PARVA: variants seen among roughly 807,000 people sequenced by gnomAD.
PARVA encodes alpha-parvin.
Under a neutral mutation model 52.6 loss-of-function variants are expected in PARVA, and 25 were observed. That is an observed-to-expected ratio of 0.48 (90% CI 0.35 to 0.66). The LOEUF is 0.66. Ranked by LOEUF, PARVA falls within the 30% of genes least tolerant of loss-of-function variation. The pLI is 0.01. For synonymous variants in PARVA, 185 were observed against 179.1 expected (o/e 1.03, Z -0.26); for missense variants, 373 against 450.9 (o/e 0.83, Z 1.56).
At chr11:12,379,363 C>T (rs897976144) in intron 1 of PARVA, among the ~76,000 whole-genome samples, 4 of 152,172 alleles carry the variant, frequency 2.6e-5, no homozygotes, top group Admixed American at 6.5e-5. Flanking sequence ...TGGAGTTGCT[C>T]TGGTTCACAT....
chr11:12,392,928 T>C (rs577226380), intron 1 of PARVA, among the ~76,000 whole-genome samples: 3 of 151,726 alleles, frequency 2.0e-5, no homozygotes, highest in Non-Finnish European at 4.4e-5. Flanking sequence ...TCTTGCAGAA[T>C]GGCTGTGCTC....
chr11:12,377,994 C>T (rs1361937541), intron 1 of PARVA, among the ~76,000 whole-genome samples: 1 of 148,428 alleles, frequency 6.7e-6, no homozygotes, highest in Admixed American at 6.7e-5. Flanking sequence ...ATCGAGGCCA[C>T]CCCGCCCGCT....
chr11:12,474,014 C>A (rs1158643484), intron 3 of PARVA, 31 bp downstream of exon 3: 16 of 1,514,336 alleles, frequency 1.1e-5, no homozygotes, highest in Non-Finnish European at 1.4e-5. Flanking sequence ...GCTTCAGGTG[C>A]CTCACTGACC....
intron 1 of PARVA, among the ~76,000 whole-genome samples, chr11:12,472,934 T>C (rs1014209445): frequency 2.0e-5 from 3 of 152,202 alleles, no homozygotes; most frequent in African/African-American, 7.2e-5. Context: ...TAAGGCTCCA[T>C]GTGGGGGCTG....
Position 12,531,363 on chromosome 11 carries a change from G to A in PARVA, c.*3438G>A, listed in dbSNP as rs1029419827. Among the ~76,000 whole-genome samples the A allele has an allele frequency of 2.0e-5, 3 of 152,126 alleles. No individual in the cohort carries two copies. Among genetic ancestry groups the A allele is most frequent in the African/African-American group, 4.8e-5 (2 of 41,414 alleles). On this transcript the variant is annotated 3_prime_UTR_variant, in exon 13 of 13. Coordinates refer to ENST00000334956, the MANE Select transcript of PARVA (RefSeq NM_018222.5). ...CAGTTTGTTTTGTTGTGGGTTGCTTGGTTAACCCTACAGAGTATACTTGAA... is the reference window on the plus strand; with the variant it reads ...CAGTTTGTTTTGTTGTGGGTTGCTTAGTTAACCCTACAGAGTATACTTGAA...
intron 1 of PARVA, among the ~76,000 whole-genome samples, chr11:12,395,587 C>T (rs902862717): frequency 6.6e-5 from 10 of 152,358 alleles, no homozygotes; most frequent in African/African-American, 2.4e-4. Context: ...ACCCATGACA[C>T]ATATCTTGCT....
Position 12,493,438 on chromosome 11 carries a change from C to G in PARVA, c.401-3020C>G, listed in dbSNP as rs562214531. On this transcript the variant is annotated intron_variant, in intron 4 of 12. Coordinates refer to ENST00000334956, the MANE Select transcript of PARVA (RefSeq NM_018222.5). ...ATTTTTATGCAAATCCATTTAATAC[C>G]AATATCAATGCCTAAACTAAAATAT... Among the ~76,000 whole-genome samples, 329 of 143,706 alleles carry G rather than the reference C, an allele frequency of 2.3e-3. 1 individual carries two copies. Among genetic ancestry groups the G allele is most frequent in the African/African-American group, 8.0e-3 (325 of 40,516 alleles). 94.3% of individuals were successfully genotyped at this position (143,706 alleles called of 152,430 possible). A position where few individuals can be genotyped will look rare whatever the true frequency, so the allele number is the denominator to read the frequency against.
intron 1 of PARVA, among the ~76,000 whole-genome samples, chr11:12,391,608 T>A (rs935155148): frequency 1.3e-5 from 2 of 152,202 alleles, no homozygotes; most frequent in Non-Finnish European, 2.9e-5. Context: ...CAATTTCATC[T>A]CCTACCTGCA....
At chr11:12,394,638 G>A (rs1262986830) in intron 1 of PARVA, among the ~76,000 whole-genome samples, 1 of 152,172 alleles carries the variant, frequency 6.6e-6, no homozygotes, top group Non-Finnish European at 1.5e-5. Context: ...GTGGAGAGTT[G>A]CTGTAGTATT....
intron 1 of PARVA, among the ~76,000 whole-genome samples, chr11:12,431,691 C>T (rs959292861): frequency 1.3e-5 from 2 of 152,262 alleles, no homozygotes; most frequent in African/African-American, 4.8e-5. Context: ...AGACCCTGTG[C>T]TCAGCTGGGC....
chr11:12,449,640 C>G (rs1184005097), intron 1 of PARVA, among the ~76,000 whole-genome samples: 1 of 152,194 alleles, frequency 6.6e-6, no homozygotes, highest in African/African-American at 2.4e-5. Context: ...ATCAGTAGTT[C>G]TCCATGGGGG....
At chr11:12,413,170 A>G (rs1365915100) in intron 1 of PARVA, among the ~76,000 whole-genome samples, 1 of 152,262 alleles carries the variant, frequency 6.6e-6, no homozygotes, top group African/African-American at 2.4e-5. Context: ...CCATTCTGCC[A>G]CAAAGATATT....
chr11:12,421,816 C>T (rs1337395493), intron 1 of PARVA, among the ~76,000 whole-genome samples: 1 of 152,212 alleles, frequency 6.6e-6, no homozygotes, highest in Middle Eastern at 3.2e-3. Flanking sequence ...ATGCATTCAA[C>T]AAATATTGGG....
Position 12,530,770 on chromosome 11 carries a change from A to AAAAG in PARVA, c.*2848_*2851dup, listed in dbSNP as rs1377501381. On this transcript the variant is annotated 3_prime_UTR_variant, in exon 13 of 13. Transcript: ENST00000334956. ...GGATATTGTATTACCCTGGGTATTAAAAAGAACTCCTTTCACATTTTAAAA... is the reference window on the plus strand; with the variant it reads ...GGATATTGTATTACCCTGGGTATTAAAAAGAAAGAACTCCTTTCACATTTTAAAA... 1 of 152,228 alleles carries AAAAG rather than the reference A, an allele frequency of 6.6e-6. No individual in the cohort carries two copies. Among genetic ancestry groups the AAAAG allele is most frequent in the Admixed American group, 6.5e-5 (1 of 15,290 alleles). The allele number at this position is 152,228 out of a possible 1,614,324, so 9.4% of individuals were successfully genotyped here.
chr11:12,395,795 A>T (rs1186347108), intron 1 of PARVA, among the ~76,000 whole-genome samples: 3 of 152,214 alleles, frequency 2.0e-5, no homozygotes, highest in African/African-American at 7.2e-5. Flanking sequence ...ACCCAATGCA[A>T]ATTAAGCCTG....
chr11:12,464,914 T>G (rs77807401), intron 1 of PARVA, among the ~76,000 whole-genome samples: 5,221 of 152,212 alleles, frequency 0.034, 322 homozygotes, highest in African/African-American at 0.11. Context: ...TGGGTCGGGG[T>G]TAGTTTCGGG....
At chr11:12,489,103 T>C (rs565548718) in intron 4 of PARVA, among the ~76,000 whole-genome samples, 4 of 151,672 alleles carry the variant, frequency 2.6e-5, no homozygotes, top group African/African-American at 9.7e-5. Context: ...GGTGGGAGGA[T>C]TGCTTGAGCC....
At chr11:12,428,300 T>C (rs978045908) in intron 1 of PARVA, among the ~76,000 whole-genome samples, 2 of 152,096 alleles carry the variant, frequency 1.3e-5, no homozygotes, top group African/African-American at 4.8e-5. Context: ...CTTTTCCATA[T>C]AGAGTCTCTC....
intron 1 of PARVA, among the ~76,000 whole-genome samples, chr11:12,394,905 A>G (rs1486261980): frequency 6.6e-6 from 1 of 152,058 alleles, no homozygotes; most frequent in African/African-American, 2.4e-5. Flanking sequence ...CAGCCTGACC[A>G]ACATGGTGAA....
Sources: allele counts gnomAD v4.1 joint callset (sites outside exome capture counted in the v4.1 genomes callset), GRCh38; gene constraint gnomAD v4.1.1; transcripts MANE v1.5; gene names NCBI Gene and HGNC (gene_info 2026-07-23, HGNC 2026-07-21).